The following ENTPD2 variants were observed in gnomAD, a reference collection of about 807,000 sequenced individuals.
ENTPD2 encodes ectonucleoside triphosphate diphosphohydrolase 2.
In ENTPD2, 48 loss-of-function variants were observed where a neutral mutation model predicts 46.8. That is an observed-to-expected ratio of 1.03 (90% confidence interval 0.81 to 1.30). The LOEUF is 1.30. Ranked by LOEUF, ENTPD2 falls within the 50% of genes most tolerant of loss-of-function variation. The pLI is 0.00. For synonymous variants in ENTPD2, 316 were observed against 286.1 expected, an observed-to-expected ratio of 1.10 and a Z score of -1.06; for missense variants, 707 against 651.1, an observed-to-expected ratio of 1.09 and a Z score of -0.93.
chr9:137,052,210 C>G, intron 2 of ENTPD2, 21 bp downstream of exon 2: 2 of 1,605,124 alleles, frequency 1.2e-6, no homozygotes, highest in South Asian at 2.2e-5. Context: ...GGCGTCCTGG[C>G]TGGGCTGGGC....
At position 137,048,929 on chromosome 9, in the gene ENTPD2, G is replaced by T. The variant is rs1316023132; in HGVS notation, c.1284+12C>A. 6 of 719,716 alleles carry T rather than the reference G, an allele frequency of 8.3e-6. No individual in the cohort carries two copies. The highest frequency in any genetic ancestry group is 1.2e-5 in the Non-Finnish European group (6 of 485,190). 44.6% of individuals were successfully genotyped at this position (719,716 alleles called of 1,614,324 possible). Reference sequence around the variant, plus strand: ...CGCAAGGTCGGCCCCGCCCCGCCCCGCCCCAGCCCACCTTCTTCTGGAAGA... The same window carrying T: ...CGCAAGGTCGGCCCCGCCCCGCCCCTCCCCAGCCCACCTTCTTCTGGAAGA... On this transcript the variant is annotated intron_variant, in intron 8 of 8. Coordinates refer to ENST00000355097, the MANE Select transcript of ENTPD2 (RefSeq NM_203468.3).
chr9:137,052,130 A>C, intron 2 of ENTPD2, 101 bp downstream of exon 2: 1 of 1,064,112 alleles, frequency 9.4e-7, no homozygotes, highest in Non-Finnish European at 1.4e-6. Flanking sequence ...AGTGAGCCCC[A>C]CCCAACACTA....
Position 137,051,520 on chromosome 9 carries a change from G to C in ENTPD2, c.376C>G (p.Arg126Gly). 1 of 1,601,700 alleles carries C rather than the reference G, an allele frequency of 6.2e-7. No individual in the cohort carries two copies. Among genetic ancestry groups the C allele is most frequent in the East Asian group, 2.2e-5 (1 of 44,806 alleles). Reference protein sequence around the residue: ...PLYLGATAGMRLLNLTNPEAS... With the variant: ...PLYLGATAGMGLLNLTNPEAS... ...CACAGGCACACTCACTTGAGCAGGC[G>C]CATACCCGCTGTGGCTCCCAGGTAG... is the stretch of plus-strand genomic sequence containing the variant. The change falls in exon 3 of 9, where the codon CGC becomes GGC. Residue 126 changes from arginine to glycine, a missense_variant. Arg to Gly is a moderately radical substitution (Grantham distance 125). Coordinates refer to ENST00000355097, the MANE Select transcript of ENTPD2 (RefSeq NM_203468.3).
rs1306173778 is a variant in ENTPD2, at chr9:137,048,806, G to A, written c.1339C>T (p.Leu447=). The part of the protein sequence containing the change: ...ALGYMLNLTN[L]IPADPPGLRK... ...AGCCCCGGCGGGTCGGCGGGGATCAGGTTGGTCAGGTTCAGCATGTAGCCG... is the reference window on the plus strand; with the variant it reads ...AGCCCCGGCGGGTCGGCGGGGATCAAGTTGGTCAGGTTCAGCATGTAGCCG... Residue 447 remains leucine, a synonymous_variant, in exon 9 of 9, where the codon CTG becomes TTG. Coordinates refer to ENST00000355097, the MANE Select transcript of ENTPD2 (RefSeq NM_203468.3). 1 of 1,579,262 alleles carries A rather than the reference G, an allele frequency of 6.3e-7. No homozygotes were observed. Among genetic ancestry groups the A allele is most frequent in the Non-Finnish European group, 8.6e-7 (1 of 1,162,144 alleles).
At chr9:137,050,068 G>A (rs1297625930) in intron 6 of ENTPD2, 79 bp from the exon 7 acceptor site, 4 of 1,528,558 alleles carry the variant, frequency 2.6e-6, no homozygotes, top group South Asian at 1.3e-5. Flanking sequence ...CCCTACTCAC[G>A]ACAAAGTTCC....
In ENTPD2 at chr9:137,051,080, GC is replaced by G. The variant is rs1564253048; in HGVS notation, c.595del (p.Ala199ProfsTer176). 4.3e-6 allele frequency: 7 copies of G among 1,612,800 alleles called. No homozygotes were observed. Among genetic ancestry groups the G allele is most frequent in the Non-Finnish European group, 5.9e-6 (7 of 1,179,996 alleles). ...WFRPRKGTLG[A>X]MDLGGASTQI... is the part of the protein sequence containing the mutation. ...GGTAGAGGCACCCCCCAGGTCCATGGCCCCCAGTGTCCCCTTCCGTGGCCGG... is the reference window on the plus strand; with the variant it reads ...GGTAGAGGCACCCCCCAGGTCCATGGCCCCAGTGTCCCCTTCCGTGGCCGG... On this transcript the variant is annotated frameshift_variant, in exon 5 of 9. Coordinates refer to ENST00000355097, the MANE Select transcript of ENTPD2 (RefSeq NM_203468.3). LOFTEE classifies it high-confidence loss of function.
intron 7 of ENTPD2, chr9:137,049,287 C>T (rs1454506480): frequency 4.7e-6 from 4 of 845,082 alleles, no homozygotes; most frequent in Non-Finnish European, 7.7e-6. Flanking sequence ...CCAGCCAGCG[C>T]CCATGCCTGG....
chr9:137,051,519 C>A lies in ENTPD2; in HGVS notation c.377G>T (p.Arg126Leu). 1 of 1,600,156 alleles carries A rather than the reference C, an allele frequency of 6.2e-7. No individual in the cohort carries two copies. Among genetic ancestry groups the A allele is most frequent in the Non-Finnish European group, 8.5e-7 (1 of 1,173,318 alleles). ...GCACAGGCACACTCACTTGAGCAGG[C>A]GCATACCCGCTGTGGCTCCCAGGTA... ...PLYLGATAGM[R>L]LLNLTNPEAS... The change falls in exon 3 of 9, where the codon CGC becomes CTC. Residue 126 changes from arginine (R) to leucine (L), a missense_variant. Arg to Leu is a moderately radical substitution (Grantham distance 102, BLOSUM62 -2). Coordinates refer to ENST00000355097, the MANE Select transcript of ENTPD2 (RefSeq NM_203468.3).
At chr9:137,050,017 C>T (rs370366209) in intron 6 of ENTPD2, 28 bp from the exon 7 acceptor site, 11 of 1,600,514 alleles carry the variant, frequency 6.9e-6, no homozygotes, top group East Asian at 4.5e-5. Flanking sequence ...ACACTGTGAC[C>T]GAACCCCAGC....
rs1021445448 is a variant in ENTPD2, at chr9:137,049,543, C to T, written c.1149+327G>A. 9 of 436,384 alleles carry T rather than the reference C, an allele frequency of 2.1e-5. 1 individual carries two copies. The highest frequency in any genetic ancestry group is 6.2e-5 in the African/African-American group (3 of 48,266). 27.0% of individuals were successfully genotyped at this position (436,384 alleles called of 1,614,324 possible). A position where few individuals can be genotyped will look rare whatever the true frequency, so the allele number is the denominator to read the frequency against. Reference sequence around the variant, plus strand: ...TCTCTTGGAGTCTCCGGTGGGCACACTCCCGGTGCCCAGACCCACTTCCAT... The same window carrying T: ...TCTCTTGGAGTCTCCGGTGGGCACATTCCCGGTGCCCAGACCCACTTCCAT... On this transcript the variant is annotated intron_variant, in intron 7 of 8. Transcript: ENST00000355097.
intron 7 of ENTPD2, 186 bp downstream of exon 7, chr9:137,049,684 A>G: frequency 1.5e-6 from 1 of 649,276 alleles, no homozygotes; most frequent in Non-Finnish European, 2.5e-6. Flanking sequence ...AGCTTCTCCA[A>G]CCCGCCCGAC....
intron 8 of ENTPD2, 40 bp from the exon 9 acceptor site, chr9:137,048,900 G>T (rs950999696): frequency 5.4e-6 from 8 of 1,478,512 alleles, no homozygotes; most frequent in Non-Finnish European, 7.2e-6. Flanking sequence ...GAGAGGCCCC[G>T]CCCCGCAAGG....
rs766798497 is a variant in ENTPD2, at chr9:137,051,349, C to T, written c.408G>A (p.Ser136=). Residue 136 remains serine, a synonymous_variant, in exon 4 of 9, where the codon TCG becomes TCA. Coordinates refer to ENST00000355097, the MANE Select transcript of ENTPD2 (RefSeq NM_203468.3). ...RLLNLTNPEA[S]TSVLMAVTHT... Reference sequence around the variant, plus strand: ...GAGTCACTGCCATGAGCACACTGGTCGAGGCCTCTGGATTGGTCAGGCTGC... The same window carrying T: ...GAGTCACTGCCATGAGCACACTGGTTGAGGCCTCTGGATTGGTCAGGCTGC... 5.5e-5 allele frequency: 86 copies of T among 1,568,578 alleles called. No homozygotes were observed. The highest frequency in any genetic ancestry group is 1.6e-4 in the East Asian group (7 of 44,418).
At position 137,051,125 on chromosome 9, in the gene ENTPD2, C is replaced by G; in HGVS notation, c.551G>C (p.Gly184Ala). 1 of 1,612,846 alleles carries G rather than the reference C, an allele frequency of 6.2e-7. No individual in the cohort carries two copies. Among genetic ancestry groups the G allele is most frequent in the Non-Finnish European group, 8.5e-7 (1 of 1,179,998 alleles). Residue 184 changes from glycine (G) to alanine (A), a missense_variant, in exon 5 of 9, where the codon GGC becomes GCC. By Grantham distance (60) the Gly-to-Ala change is moderately conservative (BLOSUM62 0). Coordinates refer to ENST00000355097, the MANE Select transcript of ENTPD2 (RefSeq NM_203468.3). Reference protein sequence around the residue: ...NYLLENFIKYGWVGRWFRPRK... With the variant: ...NYLLENFIKYAWVGRWFRPRK... ...TGGCCGGAACCACCGGCCCACCCAG[C>G]CGTACTGTGGAGAGGGGAGTGTGGG...
At chr9:137,050,643 A>G (rs1836539919) in intron 5 of ENTPD2, 105 bp from the exon 6 acceptor site, 1 of 1,483,442 alleles carries the variant, frequency 6.7e-7, no homozygotes, top group African/African-American at 1.4e-5. Flanking sequence ...TTTTGTGCTC[A>G]GGGGCAATCC....
Position 137,049,012 on chromosome 9 carries a change from C to G in ENTPD2, c.1213G>C (p.Val405Leu), listed in dbSNP as rs1212740052. Residue 405 changes from valine (V) to leucine (L), a missense_variant, in exon 8 of 9, where the codon GTG becomes CTG. By Grantham distance (32) the Val-to-Leu change is conservative. Coordinates refer to ENST00000355097, the MANE Select transcript of ENTPD2 (RefSeq NM_203468.3). The stretch of plus-strand genomic sequence containing the variant: ...TAGCCGCGACTCAGCAGCTGCTGCA[C>G]GAACATGGCCCCGGCGCAGTAGTCG... ...LADYCAGAMF[V>L]QQLLSRGYGF... The G allele has an allele frequency of 5.9e-6, 9 of 1,537,550 alleles. No individual in the cohort carries two copies. The highest frequency in any genetic ancestry group is 7.9e-6 in the Non-Finnish European group (9 of 1,145,510).
intron 6 of ENTPD2, 34 bp from the exon 7 acceptor site, chr9:137,050,023 C>A: frequency 1.3e-6 from 2 of 1,599,582 alleles, no homozygotes; most frequent in Non-Finnish European, 8.5e-7. Context: ...TGACCGAACC[C>A]CAGCGGCTCA....
rs761081418 is a variant in ENTPD2 at position 137,050,977 on chromosome 9, G to A, written c.699C>T (p.Tyr233=). The change falls in exon 5 of 9, where the codon TAC becomes TAT. Residue 233 remains tyrosine, a synonymous_variant. Coordinates refer to ENST00000355097, the MANE Select transcript of ENTPD2 (RefSeq NM_203468.3). ...AGAGGAAGCTGTGGGTGTAGACTCG[G>A]TAGTGCTGGCCGTAGAGATGCAGCT... ...EVQLHLYGQH[Y]RVYTHSFLCY... is the part of the protein sequence containing the mutation. 6.2e-7 allele frequency: 1 copy of A among 1,608,600 alleles called. No homozygotes were observed. The highest frequency in any genetic ancestry group is 1.4e-5 in the African/African-American group (1 of 73,484).
intron 5 of ENTPD2, 78 bp from the exon 6 acceptor site, chr9:137,050,616 C>T (rs1832265258): frequency 6.5e-7 from 1 of 1,536,416 alleles, no homozygotes. Flanking sequence ...CCACAGGTCT[C>T]ACTCTGGCAA....
Sources: allele counts gnomAD v4.1 joint callset, GRCh38; gene constraint gnomAD v4.1.1; transcripts MANE v1.5; gene names NCBI Gene and HGNC (gene_info 2026-07-23, HGNC 2026-07-21).